The following PCYT1B variants were observed in gnomAD, a reference collection of about 807,000 sequenced individuals.
PCYT1B encodes the protein choline-phosphate cytidylyltransferase B.
Under a neutral mutation model 26.4 loss-of-function variants are expected in PCYT1B, and 10 were observed. The ratio of observed to expected loss-of-function variants is 0.38; its 90% CI spans 0.23 to 0.64. The LOEUF (loss-of-function observed/expected upper bound fraction) is 0.64, where lower values mean the gene tolerates loss of function less well. Ranked by LOEUF, PCYT1B falls within the 30% of genes least tolerant of loss-of-function variation. PCYT1B has a pLI of 0.56. For missense variants in PCYT1B, 161 were observed against 292.7 expected (o/e 0.55, Z 3.28); for synonymous variants, 131 against 108.4 (o/e 1.21, Z -1.29).
At chrX:24,636,764 CTATTT>C (rs1452828697) in intron 1 of PCYT1B, among the ~76,000 whole-genome samples, 3 of 112,231 alleles carry the variant, frequency 2.7e-5, no homozygotes, top group African/African-American at 9.7e-5. Context: ...TGAGCTTTGC[CTATTT>C]TATTTTATAT....
At chrX:24,594,108 T>C (rs1050097600) in intron 3 of PCYT1B, among the ~76,000 whole-genome samples, 1 of 111,301 alleles carries the variant, frequency 9.0e-6, no homozygotes, top group Non-Finnish European at 1.9e-5. Context: ...CAGATAGCTC[T>C]GTCTTTGACA....
chrX:24,574,542 C>T (rs1484714572), intron 7 of PCYT1B, among the ~76,000 whole-genome samples: 8 of 111,609 alleles, frequency 7.2e-5, no homozygotes, highest in African/African-American at 6.5e-5. Flanking sequence ...CCAACACTTG[C>T]GTGTCATGAA....
At chrX:24,580,342 A>G (rs1186225474) in intron 5 of PCYT1B, among the ~76,000 whole-genome samples, 1 of 112,414 alleles carries the variant, frequency 8.9e-6, no homozygotes, top group African/African-American at 3.2e-5. Flanking sequence ...AACTGAGTCA[A>G]TGAATTAGAT....
At position 24,670,096 on chromosome X, in the gene PCYT1B, GAAAGAAAGAAAGAAAGA is replaced by G. The variant is rs1298867637; in HGVS notation, c.63+2457_63+2473del. ...AGAAAGAAAGAAAGAAAGAAAGAAA[GAAAGAAAGAAAGAAAGA>G]AAGGAAGGAAGGAAGGAAGGAAGGA... On this transcript the variant is annotated intron_variant, in intron 1 of 7. Coordinates refer to the PCYT1B transcript ENST00000379145. Among the ~76,000 whole-genome samples the G allele has an allele frequency of 8.2e-3, 738 of 89,683 alleles. 3 individuals carry two copies. Among genetic ancestry groups the G allele is most frequent in the South Asian group, 0.011 (16 of 1,475 alleles). 77.9% of individuals were successfully genotyped at this position (89,683 alleles called of 115,157 possible). A position where few individuals can be genotyped will look rare whatever the true frequency, so the allele number is the denominator to read the frequency against.
In PCYT1B at chrX:24,590,158, G is replaced by C. The variant is rs144987454; in HGVS notation, c.351C>G (p.Leu117=). ...YLLVGVCSDD[L]THKFKGFTVM... ...CGGTGAAACCTTTGAATTTGTGGGT[G>C]AGATCATCACTGCAAACTAAAACAG... is the stretch of plus-strand genomic sequence containing the variant. The change falls in exon 4 of 8, where the codon CTC becomes CTG. Residue 117 remains leucine (L), a synonymous_variant. Transcript: ENST00000379144. The C allele has an allele frequency of 8.3e-7, 1 of 1,209,655 alleles. No individual in the cohort carries two copies. The highest frequency in any genetic ancestry group is 1.7e-5 in the African/African-American group (1 of 57,729).
Position 24,559,426 on chromosome X carries a change from GAAGA to G in PCYT1B, c.*2863_*2866del, listed in dbSNP as rs1923308873. 1 of 70,488 alleles carries G rather than the reference GAAGA, an allele frequency of 1.4e-5. No homozygotes were observed. The highest frequency in any genetic ancestry group is 6.9e-4 in the South Asian group (1 of 1,456). The allele number at this position is 70,488 out of a possible 1,213,427, so 5.8% of individuals were successfully genotyped here. On this transcript the variant is annotated 3_prime_UTR_variant, in exon 8 of 8. Coordinates refer to ENST00000379144, the MANE Select transcript of PCYT1B (RefSeq NM_004845.5). ...GAAAAAGAGGAAAGAAAAAGAGAAAGAAGAAAGAAAAAGAAAGAGAGAGAGAGAG... is the reference window on the plus strand; with the variant it reads ...GAAAAAGAGGAAAGAAAAAGAGAAAGAAGAAAAAGAAAGAGAGAGAGAGAG...
At chrX:24,617,747 C>T (rs922993691) in intron 2 of PCYT1B, among the ~76,000 whole-genome samples, 9 of 110,974 alleles carry the variant, frequency 8.1e-5, no homozygotes, top group African/African-American at 2.3e-4. Context: ...CGCGCCCGGC[C>T]GAGTTATGCC....
At chrX:24,631,889 C>T (rs1477668539) in intron 1 of PCYT1B, among the ~76,000 whole-genome samples, 2 of 108,782 alleles carry the variant, frequency 1.8e-5, no homozygotes, top group African/African-American at 6.7e-5. Flanking sequence ...GCCGGGATTG[C>T]ACCACTGCAC....
chrX:24,616,534 C>T (rs952144094), intron 2 of PCYT1B, among the ~76,000 whole-genome samples: 12 of 111,330 alleles, frequency 1.1e-4, no homozygotes, highest in African/African-American at 3.6e-4. Context: ...CCACCACGCC[C>T]GGTCAGCCAC....
In PCYT1B at chrX:24,587,192, C is replaced by T. The variant is rs111304630; in HGVS notation, c.565+49G>A. The T allele has an allele frequency of 3.3e-5, 29 of 880,117 alleles. 1 individual carries two copies. Among genetic ancestry groups the T allele is most frequent in the African/African-American group, 2.6e-4 (13 of 50,755 alleles). 72.5% of individuals were successfully genotyped at this position (880,117 alleles called of 1,213,427 possible). On this transcript the variant is annotated intron_variant, in intron 5 of 7. Coordinates refer to ENST00000379144, the MANE Select transcript of PCYT1B (RefSeq NM_004845.5). ...GGGCAGACAGATGTCTCTTATTGCA[C>T]CTGATTATTGTGATGTGGTTGACAG...
chrX:24,581,320 GC>G (rs963119023), intron 5 of PCYT1B, among the ~76,000 whole-genome samples: 7 of 111,234 alleles, frequency 6.3e-5, no homozygotes, highest in Non-Finnish European at 9.4e-5. Context: ...CTAAACCAAG[GC>G]CCCCCTGCTA....
At chrX:24,604,359 G>A (rs1331339676) in intron 3 of PCYT1B, among the ~76,000 whole-genome samples, 1 of 110,761 alleles carries the variant, frequency 9.0e-6, no homozygotes, top group Non-Finnish European at 1.9e-5. Flanking sequence ...CCAAAGTGCT[G>A]GGATTACAGG....
Position 24,607,831 on chromosome X carries a change from C to T in PCYT1B, c.248G>A (p.Gly83Glu), listed in dbSNP as rs1255554485. The change falls in exon 3 of 8, where the codon GGA becomes GAA. Residue 83 changes from glycine (G) to glutamate (E), a missense_variant. Around this residue, in one of 4 missense-constraint regions of PCYT1B, gnomAD observed 65 missense variants for 145.0 expected, o/e 0.45. Transcript: ENST00000379144. ...ACCTGAGTGGAAGAGGTCAAATATT[C>T]CATCGGCGTATACTCTGACAGGCCT... ...ADRPVRVYADGIFDLFHSGHA... is the reference protein window; with the variant it reads ...ADRPVRVYADEIFDLFHSGHA... 1 of 1,191,151 alleles carries T rather than the reference C, an allele frequency of 8.4e-7. No homozygotes were observed.
rs1413947931 is a variant in PCYT1B, at chrX:24,561,237, G to A, written c.*1056C>T. On this transcript the variant is annotated 3_prime_UTR_variant, in exon 8 of 8. Coordinates refer to ENST00000379144, the MANE Select transcript of PCYT1B (RefSeq NM_004845.5). ...GAGTATTATGGTGGAGCGCAGGAGT[G>A]GGGTCTATTATAAAATGCCACCACT... is the stretch of plus-strand genomic sequence containing the variant. 8.9e-6 allele frequency: 1 copy of A among 112,107 alleles called. No individual in the cohort carries two copies. The highest frequency in any genetic ancestry group is 3.3e-5 in the African/African-American group (1 of 30,673). The allele number at this position is 112,107 out of a possible 1,213,427, so 9.2% of individuals were successfully genotyped here.
At chrX:24,662,337 T>A (rs1442147047) in intron 1 of PCYT1B, among the ~76,000 whole-genome samples, 1 of 112,215 alleles carries the variant, frequency 8.9e-6, no homozygotes, top group Non-Finnish European at 1.9e-5. Context: ...CATTTAGCAA[T>A]GTCTGGAGAC....
chrX:24,650,382 C>T, upstream of PCYT1B, among the ~76,000 whole-genome samples: 1 of 97,892 alleles, frequency 1.0e-5, no homozygotes, highest in Middle Eastern at 5.6e-3. Flanking sequence ...TGCAGTGGTG[C>T]AATCTCAGCT....
intron 1 of PCYT1B, among the ~76,000 whole-genome samples, chrX:24,640,041 A>G (rs1926415204): frequency 8.9e-6 from 1 of 112,140 alleles, no homozygotes; most frequent in Non-Finnish European, 1.9e-5. Context: ...AGATGAAGGG[A>G]GGGAAGATGA....
chrX:24,578,270 T>C (rs935818326), intron 6 of PCYT1B, among the ~76,000 whole-genome samples: 25 of 107,783 alleles, frequency 2.3e-4, no homozygotes, highest in Non-Finnish European at 4.4e-4. Context: ...TTCTCACTCA[T>C]AAGTGGGAGC....
intron 1 of PCYT1B, among the ~76,000 whole-genome samples, chrX:24,621,134 G>T (rs866230262): frequency 8.9e-6 from 1 of 111,875 alleles, no homozygotes; most frequent in Admixed American, 9.6e-5. Flanking sequence ...TCGGTCAGGC[G>T]CCCACCCTGG....
Sources: allele counts gnomAD v4.1 joint callset (sites outside exome capture counted in the v4.1 genomes callset), GRCh38; gene constraint gnomAD v4.1.1; regional missense constraint gnomAD v4.1.1; transcripts MANE v1.5; gene names NCBI Gene and HGNC (gene_info 2026-07-23, HGNC 2026-07-21).